TSHZ2: variants seen among roughly 807,000 people sequenced by gnomAD.
The protein encoded by TSHZ2 is teashirt homolog 2.
Under a neutral mutation model 74.4 loss-of-function variants are expected in TSHZ2, and 21 were observed. The ratio of observed to expected loss-of-function variants is 0.28; its 90% CI spans 0.20 to 0.41. The LOEUF is 0.41. Ranked by LOEUF, TSHZ2 falls within the 10% of genes least tolerant of loss-of-function variation. The pLI is 1.00. For synonymous variants in TSHZ2, 540 were observed against 515.3 expected (o/e 1.05, Z -0.65); for missense variants, 1,244 against 1,293.5 (o/e 0.96, Z 0.59).
intron 2 of TSHZ2, among the ~76,000 whole-genome samples, chr20:53,360,253 T>C (rs1420642590): frequency 2.0e-5 from 3 of 152,228 alleles, no homozygotes; most frequent in Non-Finnish European, 2.9e-5. Flanking sequence ...TAAGACAGCA[T>C]ATGTCATTTT....
chr20:53,096,329 G>T (rs1330392718), intron 1 of TSHZ2, among the ~76,000 whole-genome samples: 5 of 152,074 alleles, frequency 3.3e-5, no homozygotes, highest in Admixed American at 3.3e-4. Flanking sequence ...TATTAGTAGA[G>T]ACGGGGTTTC....
chr20:53,391,923 A>T (rs1982274193), intron 2 of TSHZ2, among the ~76,000 whole-genome samples: 1 of 152,160 alleles, frequency 6.6e-6, no homozygotes, highest in Non-Finnish European at 1.5e-5. Flanking sequence ...AGCGTGGGTG[A>T]CAGAGAGACT....
At chr20:53,084,897 T>A (rs555146074) in intron 1 of TSHZ2, among the ~76,000 whole-genome samples, 2 of 152,004 alleles carry the variant, frequency 1.3e-5, no homozygotes, top group Non-Finnish European at 2.9e-5. Flanking sequence ...ATGCTTGGGT[T>A]TTTTCTGTGT....
chr20:53,204,804 G>A (rs1305679531), intron 1 of TSHZ2, among the ~76,000 whole-genome samples: 3 of 152,018 alleles, frequency 2.0e-5, no homozygotes, highest in East Asian at 3.9e-4. Flanking sequence ...ACTTGTGGCC[G>A]GGTGCGGTGG....
At chr20:53,101,619 A>C (rs960651651) in intron 1 of TSHZ2, among the ~76,000 whole-genome samples, 2 of 152,248 alleles carry the variant, frequency 1.3e-5, no homozygotes, top group Non-Finnish European at 1.5e-5. Context: ...GTTCTCTAGC[A>C]CATCTCAATT....
At chr20:53,383,967 C>A (rs898391116) in intron 2 of TSHZ2, among the ~76,000 whole-genome samples, 4 of 152,128 alleles carry the variant, frequency 2.6e-5, no homozygotes, top group African/African-American at 9.7e-5. Flanking sequence ...CCTACTTTGG[C>A]AGTTTAACTT....
At position 53,225,332 on chromosome 20, in the gene TSHZ2, T is replaced by C. The variant is rs1244588113; in HGVS notation, c.41-28167T>C. ...TAAGTCAAAATATGCCTGCTAATTG[T>C]GTACTTCTATTGACGAGAGCCCATC... On this transcript the variant is annotated intron_variant, in intron 1 of 2. Transcript: ENST00000371497. Among the ~76,000 whole-genome samples, 4 of 152,244 alleles carry C rather than the reference T, an allele frequency of 2.6e-5. No individual in the cohort carries two copies. The South Asian group carries it at 6.2e-4, about 24-fold the overall frequency.
chr20:53,420,892 A>G (rs1373680537), intron 2 of TSHZ2, among the ~76,000 whole-genome samples: 1 of 152,240 alleles, frequency 6.6e-6, no homozygotes, highest in East Asian at 1.9e-4. Context: ...GTCTTGCAGT[A>G]AAGTCTTGCT....
At chr20:53,094,214 C>T (rs1481958562) in intron 1 of TSHZ2, among the ~76,000 whole-genome samples, 1 of 152,190 alleles carries the variant, frequency 6.6e-6, no homozygotes, top group African/African-American at 2.4e-5. Flanking sequence ...TGATTCTTTA[C>T]AGAAAACATT....
At chr20:53,153,243 C>T (rs1221703214) in intron 1 of TSHZ2, among the ~76,000 whole-genome samples, 1 of 152,154 alleles carries the variant, frequency 6.6e-6, no homozygotes, top group Non-Finnish European at 1.5e-5. Context: ...CATAAATGTC[C>T]CCAGCCTGGG....
intron 1 of TSHZ2, among the ~76,000 whole-genome samples, chr20:53,210,955 T>C (rs1299136693): frequency 6.6e-6 from 1 of 151,866 alleles, no homozygotes; most frequent in Non-Finnish European, 1.5e-5. Context: ...AAAGAAATAT[T>C]CCTTTAGTAA....
chr20:53,303,622 T>C (rs1047262270), intron 2 of TSHZ2, among the ~76,000 whole-genome samples: 6 of 152,178 alleles, frequency 3.9e-5, no homozygotes, highest in African/African-American at 1.4e-4. Context: ...TCCCAGAAAT[T>C]GTATTTTTCT....
intron 2 of TSHZ2, among the ~76,000 whole-genome samples, chr20:53,458,313 T>A (rs1985194361): frequency 6.6e-6 from 1 of 151,692 alleles, no homozygotes; most frequent in Non-Finnish European, 1.5e-5. Flanking sequence ...GAGGAATTTA[T>A]CCATTTCTTC....
chr20:52,977,577 G>C (rs984713972), intron 1 of TSHZ2, among the ~76,000 whole-genome samples: 1 of 151,852 alleles, frequency 6.6e-6, no homozygotes, highest in Non-Finnish European at 1.5e-5. Context: ...CCTTGAAATC[G>C]CTTGGTCCAC....
At chr20:53,459,868 G>C (rs1568927791) in intron 2 of TSHZ2, among the ~76,000 whole-genome samples, 2 of 151,916 alleles carry the variant, frequency 1.3e-5, no homozygotes, top group Non-Finnish European at 2.9e-5. Context: ...TTTTCTTTAA[G>C]AATGTTGAAT....
intron 1 of TSHZ2, among the ~76,000 whole-genome samples, chr20:53,250,281 T>C (rs191769841): frequency 6.6e-6 from 1 of 152,320 alleles, no homozygotes; most frequent in African/African-American, 2.4e-5. Context: ...AAGAGTAAAC[T>C]TGCCACTCAT....
Position 53,255,520 on chromosome 20 carries a change from G to T in TSHZ2, c.2062G>T (p.Ala688Ser). 3 of 1,587,766 alleles carry T rather than the reference G, an allele frequency of 1.9e-6. No individual in the cohort carries two copies. Among genetic ancestry groups the T allele is most frequent in the South Asian group, 2.3e-5 (2 of 86,782 alleles). ...GTGCGCCCTCGCCAACCACGCCCCG[G>T]CCCTGCCATGCATCAACCCACTCAG... ...NGCALANHAP[A>S]LPCINPLSAL... Residue 688 changes from alanine (A) to serine (S), a missense_variant, in exon 2 of 3, where the codon GCC (alanine) becomes TCC (serine). Around this residue, in one of 6 missense-constraint regions of TSHZ2, gnomAD observed 562 missense variants for 544.0 expected, o/e 1.03. Coordinates refer to ENST00000371497, the MANE Select transcript of TSHZ2 (RefSeq NM_173485.6). This position sits in a 1 kb window ranked among gnomAD's most constrained non-coding sequence, Gnocchi z 4.1.
intron 1 of TSHZ2, among the ~76,000 whole-genome samples, chr20:53,036,720 A>C (rs1983833209): frequency 6.8e-6 from 1 of 147,744 alleles, no homozygotes; most frequent in South Asian, 2.1e-4. Context: ...TGTATATTAT[A>C]TATGTATTTA....
chr20:53,443,197 C>A (rs986437769), intron 2 of TSHZ2, among the ~76,000 whole-genome samples: 2 of 152,146 alleles, frequency 1.3e-5, no homozygotes, highest in Non-Finnish European at 2.9e-5. Context: ...ACCCTCTTGT[C>A]TTCCCCCAAC....
Sources: allele counts gnomAD v4.1 joint callset (sites outside exome capture counted in the v4.1 genomes callset), GRCh38; gene constraint gnomAD v4.1.1; regional missense constraint gnomAD v4.1.1; non-coding constraint Gnocchi (gnomAD v3.1); transcripts MANE v1.5; gene names NCBI Gene and HGNC (gene_info 2026-07-23, HGNC 2026-07-21).